The following CLRN3 variants were observed in gnomAD, a reference collection of about 807,000 sequenced individuals.
The protein encoded by CLRN3 is clarin-3.
Under a neutral mutation model 16.7 loss-of-function variants are expected in CLRN3, and 12 were observed. That is an observed-to-expected ratio of 0.72 (90% confidence interval 0.46 to 1.16). CLRN3 has a LOEUF of 1.16. CLRN3 is among the 50% of genes most tolerant of loss of function. CLRN3 has a pLI of 0.00. For missense variants in CLRN3, 296 were observed against 274.2 expected, an observed-to-expected ratio of 1.08 and a Z score of -0.56; for synonymous variants, 118 against 113.0, an observed-to-expected ratio of 1.04 and a Z score of -0.28.
chr10:127,880,441 C>T (rs1160685513), intron 2 of CLRN3, among the ~76,000 whole-genome samples: 3 of 152,174 alleles, frequency 2.0e-5, no homozygotes, highest in Non-Finnish European at 2.9e-5. Flanking sequence ...TGAGGAGCTT[C>T]GGAAGGCTCA....
Position 127,880,413 on chromosome 10 carries a change from A to G in CLRN3, c.410-1993T>C, listed in dbSNP as rs549809642. Among the ~76,000 whole-genome samples the G allele has an allele frequency of 2.0e-5, 3 of 152,190 alleles. No homozygotes were observed. In the South Asian group the frequency reaches 6.2e-4, roughly 32 times the overall value. ...GGACAGAAGGATTTATAGGGGCTGG[A>G]GGAAGCCCCGGGGTAGATGAGGAGC... On this transcript the variant is annotated intron_variant, in intron 2 of 2. Coordinates refer to ENST00000368671, the MANE Select transcript of CLRN3 (RefSeq NM_152311.5).
chr10:127,880,036 G>C (rs1266038048), intron 2 of CLRN3, among the ~76,000 whole-genome samples: 1 of 151,756 alleles, frequency 6.6e-6, no homozygotes, highest in Non-Finnish European at 1.5e-5. Flanking sequence ...TAATTAGAGG[G>C]GTTTTGTATG....
Position 127,883,846 on chromosome 10 carries a change from T to C in CLRN3, c.259A>G (p.Lys87Glu), listed in dbSNP as rs1264025032. ...VLEILNNSSQ[K>E]TLHSVTILFL... The stretch of plus-strand genomic sequence containing the variant: ...AGGATAGTCACCGAATGCAGAGTTT[T>C]TTGGGAAGAATTATTCAGTATCTCT... The change falls in exon 2 of 3, where the codon AAA (lysine) becomes GAA (glutamate). Residue 87 changes from lysine to glutamate, a missense_variant. Lys to Glu is a moderately conservative substitution (Grantham distance 56, BLOSUM62 1). Coordinates refer to ENST00000368671, the MANE Select transcript of CLRN3 (RefSeq NM_152311.5). 4 of 1,614,072 alleles carry C rather than the reference T, an allele frequency of 2.5e-6. No homozygotes were observed. The highest frequency in any genetic ancestry group is 3.4e-6 in the Non-Finnish European group (4 of 1,180,046).
chr10:127,880,316 A>C (rs933476815), intron 2 of CLRN3, among the ~76,000 whole-genome samples: 1 of 152,128 alleles, frequency 6.6e-6, no homozygotes, highest in African/African-American at 2.4e-5. Context: ...CACAGACACA[A>C]AATGCAAACC....
intron 1 of CLRN3, among the ~76,000 whole-genome samples, chr10:127,890,817 A>G (rs1845249420): frequency 6.6e-6 from 1 of 152,142 alleles, no homozygotes; most frequent in African/African-American, 2.4e-5. Flanking sequence ...TTTCAGTAAC[A>G]TGACTTTCCC....
chr10:127,882,954 A>G lies in CLRN3; in HGVS notation c.409+742T>C, dbSNP rs563408551. Among the ~76,000 whole-genome samples, 12 of 152,326 alleles carry G rather than the reference A, an allele frequency of 7.9e-5. No homozygotes were observed. In the East Asian group the frequency reaches 1.9e-3, roughly 25 times the overall value. On this transcript the variant is annotated intron_variant, in intron 2 of 2. Coordinates refer to ENST00000368671, the MANE Select transcript of CLRN3 (RefSeq NM_152311.5). ...GTACTTCCCCAGCCCTGCTCTGGGC[A>G]GATGGGCAGCTGCAGAGCCCTGGAA...
intron 2 of CLRN3, among the ~76,000 whole-genome samples, chr10:127,879,603 T>C (rs2135076404): frequency 6.6e-6 from 1 of 152,024 alleles, no homozygotes; most frequent in East Asian, 1.9e-4. Context: ...CGCGGTTGCC[T>C]AGTGCTGGAA....
In CLRN3 at chr10:127,892,650, T is replaced by G; in HGVS notation, c.135A>C (p.Ser45=). 1 of 1,612,646 alleles carries G rather than the reference T, an allele frequency of 6.2e-7. No homozygotes were observed. Among genetic ancestry groups the G allele is most frequent in the Non-Finnish European group, 8.5e-7 (1 of 1,178,666 alleles). ...CGTAAGTGATGAAAATGCTCCCATT[T>G]GAAGCAGAGTCTCTAACAGCAATTG... The part of the protein sequence containing the change: ...TSTIAVRDSA[S]NGSIFITYGL... Residue 45 remains serine (S), a synonymous_variant, in exon 1 of 3, where the codon TCA becomes TCC. Coordinates refer to ENST00000368671, the MANE Select transcript of CLRN3 (RefSeq NM_152311.5).
Position 127,878,207 on chromosome 10 carries a change from C to T in CLRN3, c.623G>A (p.Arg208Gln), listed in dbSNP as rs371220164. ...CATTGGCTTTCTCTGCTCCTGCTTCCGCTGGTATCTGGCCTTCTGGTAGAA... is the reference window on the plus strand; with the variant it reads ...CATTGGCTTTCTCTGCTCCTGCTTCTGCTGGTATCTGGCCTTCTGGTAGAA... Reference protein sequence around the residue: ...IIFYQKARYQRKQEQRKPMEY... With the variant: ...IIFYQKARYQQKQEQRKPMEY... The change falls in exon 3 of 3, where the codon CGG (arginine) becomes CAG (glutamine). Residue 208 changes from arginine to glutamine, a missense_variant. Physicochemically the swap from Arg to Gln is conservative, Grantham distance 43 (BLOSUM62 1). Coordinates refer to ENST00000368671, the MANE Select transcript of CLRN3 (RefSeq NM_152311.5). 60 of 1,614,022 alleles carry T rather than the reference C, an allele frequency of 3.7e-5. No homozygotes were observed. Among genetic ancestry groups the T allele is most frequent in the South Asian group, 4.4e-5 (4 of 91,088 alleles).
intron 2 of CLRN3, among the ~76,000 whole-genome samples, chr10:127,880,430 A>G (rs2135077183): frequency 6.6e-6 from 1 of 152,266 alleles, no homozygotes; most frequent in African/African-American, 2.4e-5. Context: ...CCCGGGGTAG[A>G]TGAGGAGCTT....
intron 1 of CLRN3, 90 bp downstream of exon 1, chr10:127,892,466 T>A: frequency 1.3e-6 from 1 of 793,022 alleles, no homozygotes; most frequent in Non-Finnish European, 2.1e-6. Context: ...ACAAAGAAAT[T>A]ATTTTTGAAT....
chr10:127,877,905 C>T lies in CLRN3; in HGVS notation c.*244G>A, dbSNP rs2296785. The T allele has an allele frequency of 0.075, 37,523 of 497,042 alleles. 1,791 individuals are homozygous for T. Among genetic ancestry groups the T allele is most frequent in the African/African-American group, 0.15 (7,798 of 51,998 alleles). 30.8% of individuals were successfully genotyped at this position (497,042 alleles called of 1,614,324 possible). A position where few individuals can be genotyped will look rare whatever the true frequency, so the allele number is the denominator to read the frequency against. On this transcript the variant is annotated 3_prime_UTR_variant, in exon 3 of 3. Coordinates refer to ENST00000368671, the MANE Select transcript of CLRN3 (RefSeq NM_152311.5). The stretch of plus-strand genomic sequence containing the variant: ...TGAGACCAGGTCAGAAGGGTCGTTA[C>T]GCTCATCATGATACTACTGCTTTGA...
chr10:127,886,622 C>T (rs1845197846), intron 1 of CLRN3, among the ~76,000 whole-genome samples: 1 of 152,204 alleles, frequency 6.6e-6, no homozygotes, highest in African/African-American at 2.4e-5. Flanking sequence ...GTGGATACGC[C>T]TCACAGCGGT....
chr10:127,883,125 CA>C (rs1259716934), intron 2 of CLRN3, among the ~76,000 whole-genome samples: 1 of 152,128 alleles, frequency 6.6e-6, no homozygotes, highest in Non-Finnish European at 1.5e-5. Context: ...AGGTAGCCCA[CA>C]AAAAAGGTAT....
intron 1 of CLRN3, 143 bp from the exon 2 acceptor site, chr10:127,884,018 C>G (rs1476874086): frequency 2.7e-6 from 2 of 736,676 alleles, no homozygotes; most frequent in African/African-American, 3.5e-5. Context: ...CCAACCCATG[C>G]AAGAACAAGA....
chr10:127,891,434 A>G (rs1305152952), intron 1 of CLRN3, among the ~76,000 whole-genome samples: 2 of 152,254 alleles, frequency 1.3e-5, no homozygotes, highest in East Asian at 3.8e-4. Flanking sequence ...CATAACTGAA[A>G]GCATGACTGA....
intron 2 of CLRN3, among the ~76,000 whole-genome samples, chr10:127,881,292 G>A (rs545372444): frequency 3.3e-5 from 5 of 152,180 alleles, no homozygotes; most frequent in East Asian, 1.9e-4. Context: ...GCAGGGCTAC[G>A]GGGAGGCTCT....
intron 2 of CLRN3, among the ~76,000 whole-genome samples, chr10:127,880,389 G>A (rs1845114369): frequency 6.7e-6 from 1 of 148,584 alleles, no homozygotes; most frequent in African/African-American, 2.5e-5. Flanking sequence ...CAGCCTCTGG[G>A]ACAGAAGGAT....
intron 2 of CLRN3, among the ~76,000 whole-genome samples, chr10:127,882,468 C>T (rs1179908047): frequency 1.3e-5 from 2 of 152,234 alleles, no homozygotes; most frequent in African/African-American, 2.4e-5. Flanking sequence ...AGTGATCTCA[C>T]ATTGGGAGTT....
Sources: gnomAD v4.1 joint callset for allele counts (sites outside exome capture counted in the v4.1 genomes callset) on GRCh38, gnomAD v4.1.1 for gene constraint, MANE v1.5 for transcripts, NCBI Gene and HGNC (gene_info 2026-07-23, HGNC 2026-07-21) for gene names.